The following NCAPD3 variants were observed in gnomAD, a reference collection of about 807,000 sequenced individuals.
The protein encoded by NCAPD3 is non-SMC condensin II complex subunit D3, also known as condensin-2 complex subunit D3.
NCAPD3 carries 105 observed loss-of-function variants against 182.9 expected under a neutral mutation model. That is an observed-to-expected ratio of 0.57 (90% CI 0.49 to 0.68). The LOEUF (loss-of-function observed/expected upper bound fraction) is 0.68. Among genes scored for constraint, NCAPD3 ranks in the 30% least tolerant of loss-of-function variants. The pLI, the probability that NCAPD3 is intolerant of heterozygous loss-of-function variation, is 0.00. For synonymous variants in NCAPD3, 815 were observed against 679.9 expected (o/e 1.20, Z -3.09); for missense variants, 1,944 against 1,837.0 (o/e 1.06, Z -1.07).
chr11:134,208,583 A>T (rs960531356), intron 7 of NCAPD3, among the ~76,000 whole-genome samples: 18 of 152,252 alleles, frequency 1.2e-4, no homozygotes, highest in Non-Finnish European at 2.9e-5. Flanking sequence ...TCAGCAGTTT[A>T]TCTGTTCCTC....
At chr11:134,155,691 G>C (rs1943399700) in intron 32 of NCAPD3, among the ~76,000 whole-genome samples, 1 of 152,168 alleles carries the variant, frequency 6.6e-6, no homozygotes, top group Admixed American at 6.5e-5. Flanking sequence ...CGTTTCTTCA[G>C]CATATGGCAC....
intron 24 of NCAPD3, among the ~76,000 whole-genome samples, chr11:134,169,438 A>G (rs1943953569): frequency 6.6e-6 from 1 of 152,228 alleles, no homozygotes; most frequent in Non-Finnish European, 1.5e-5. Flanking sequence ...CAGAAAAGGG[A>G]TATCTGGCCT....
chr11:134,171,460 C>T (rs1042571631), intron 24 of NCAPD3, among the ~76,000 whole-genome samples: 1 of 152,110 alleles, frequency 6.6e-6, no homozygotes, highest in Admixed American at 6.5e-5. Context: ...GAGCTGAATG[C>T]CATTCTGAAA....
intron 19 of NCAPD3, chr11:134,183,297 G>T: frequency 2.6e-6 from 1 of 380,606 alleles, no homozygotes; most frequent in South Asian, 2.0e-5. Flanking sequence ...TCTTTCCTCA[G>T]TCTTACCACG....
At chr11:134,189,305 T>A (rs1944476295) in intron 16 of NCAPD3, among the ~76,000 whole-genome samples, 1 of 152,220 alleles carries the variant, frequency 6.6e-6, no homozygotes, top group African/African-American at 2.4e-5. Flanking sequence ...TTTAAATTTC[T>A]AAATTTTAGC....
chr11:134,157,783 A>G lies in NCAPD3; in HGVS notation c.4174+145T>C, dbSNP rs1479465223. On this transcript the variant is annotated intron_variant, in intron 31 of 34. Transcript: ENST00000534548. ...TCCTAGAATAAATATGCATTGTTTT[A>G]CTACCCATGATCCTAAAAGCCCAAT... is the stretch of plus-strand genomic sequence containing the variant. The G allele has an allele frequency of 3.3e-6, 3 of 921,850 alleles. No homozygotes were observed. In the Admixed American group the frequency reaches 7.2e-5, roughly 22 times the overall value. 57.1% of individuals were successfully genotyped at this position (921,850 alleles called of 1,614,324 possible). A position where few individuals can be genotyped will look rare whatever the true frequency, so the allele number is the denominator to read the frequency against.
At chr11:134,168,790 G>T in intron 25 of NCAPD3, 127 bp downstream of exon 25, 2 of 1,406,106 alleles carry the variant, frequency 1.4e-6, no homozygotes, top group Non-Finnish European at 1.9e-6. Context: ...ACGCCATCCT[G>T]CCAAGCCACA....
At position 134,223,438 on chromosome 11, in the gene NCAPD3, C is replaced by A. The variant is rs1040033039; in HGVS notation, c.64+425G>T. The A allele has an allele frequency of 7.1e-6, 5 of 702,418 alleles. No individual in the cohort carries two copies. In the African/African-American group the frequency reaches 8.7e-5, roughly 12 times the overall value. The allele number at this position is 702,418 out of a possible 1,614,324, so 43.5% of individuals were successfully genotyped here. A position where few individuals can be genotyped will look rare whatever the true frequency, so the allele number is the denominator to read the frequency against. On this transcript the variant is annotated intron_variant, in intron 1 of 34. Coordinates refer to ENST00000534548, the MANE Select transcript of NCAPD3 (RefSeq NM_015261.3). ...AGGCTTTGGGAATCCCATTTTCACT[C>A]ATGTGACGTTTGATGATGTCTGCAT...
rs1943303264 is a variant in NCAPD3, at chr11:134,153,037, C to G, written c.4404G>C (p.Gln1468His). The change falls in exon 35 of 35, where the codon CAG (glutamine) becomes CAC (histidine). Residue 1468 changes from glutamine to histidine, a missense_variant. By Grantham distance (24) the Gln-to-His change is conservative. Around this residue, in one of 3 missense-constraint regions of NCAPD3, gnomAD observed 1,803 missense variants for 1,674.6 expected, o/e 1.08. Coordinates refer to ENST00000534548, the MANE Select transcript of NCAPD3 (RefSeq NM_015261.3). ...SLPDKPPPQP[Q>H]QWNVRSPARN... ...TGGCGGGAGACCGCACATTCCACTG[C>G]TGAGGCTGTGGGGGCCTAGGGAAAG... 2 of 1,602,212 alleles carry G rather than the reference C, an allele frequency of 1.2e-6. No homozygotes were observed. The highest frequency in any genetic ancestry group is 1.7e-6 in the Non-Finnish European group (2 of 1,172,066).
chr11:134,206,011 G>T (rs191974751), intron 8 of NCAPD3, among the ~76,000 whole-genome samples: 1 of 152,232 alleles, frequency 6.6e-6, no homozygotes, highest in Non-Finnish European at 1.5e-5. Flanking sequence ...AGGAGGGAAG[G>T]AAAAGCCAAC....
chr11:134,191,555 G>A lies in NCAPD3; in HGVS notation c.2045+1134C>T, dbSNP rs541867399. On this transcript the variant is annotated intron_variant, in intron 16 of 34. Coordinates refer to ENST00000534548, the MANE Select transcript of NCAPD3 (RefSeq NM_015261.3). ...TTAAAACCTCCCAACAGCTTCTCAG[G>A]AGCTGTAGAAGGCCTCTCCTGCTTT... Among the ~76,000 whole-genome samples, 48 of 152,274 alleles carry A rather than the reference G, an allele frequency of 3.2e-4. 1 individual carries two copies. The highest frequency in any genetic ancestry group is 8.3e-4 in the South Asian group (4 of 4,814).
intron 16 of NCAPD3, among the ~76,000 whole-genome samples, chr11:134,189,838 AATTCT>A (rs146742318): frequency 0.024 from 3,721 of 152,126 alleles, 155 homozygotes; most frequent in African/African-American, 0.085. Context: ...CTCTATTTTA[AATTCT>A]ATTCTATTTG....
In NCAPD3 at chr11:134,185,010, G is replaced by C; in HGVS notation, c.2238-10C>G. On this transcript the variant is annotated splice_polypyrimidine_tract_variant and intron_variant, in intron 17 of 34. Coordinates refer to ENST00000534548, the MANE Select transcript of NCAPD3 (RefSeq NM_015261.3). ...ATTGGGATTCTGCTGACTAGAGAAA[G>C]GGCAGGAGGAATATGAAGGGAGAAG... The C allele has an allele frequency of 6.3e-7, 1 of 1,589,194 alleles. No homozygotes were observed. Among genetic ancestry groups the C allele is most frequent in the East Asian group, 2.2e-5 (1 of 44,770 alleles).
intron 16 of NCAPD3, among the ~76,000 whole-genome samples, chr11:134,187,644 T>C (rs1944438234): frequency 6.6e-6 from 1 of 150,742 alleles, no homozygotes. Flanking sequence ...CCACTACTTC[T>C]GGGAAGCCAC....
chr11:134,172,885 G>T (rs1944046918), intron 24 of NCAPD3, among the ~76,000 whole-genome samples: 1 of 150,512 alleles, frequency 6.6e-6, no homozygotes, highest in Non-Finnish European at 1.5e-5. Flanking sequence ...CTAACTATTT[G>T]GGAGGATGAG....
chr11:134,215,493 C>T (rs975648887), intron 3 of NCAPD3, among the ~76,000 whole-genome samples: 1 of 152,152 alleles, frequency 6.6e-6, no homozygotes, highest in Non-Finnish European at 1.5e-5. Context: ...ATCAATTTTG[C>T]TTCTATACAG....
At chr11:134,156,346 C>T (rs999375125) in intron 32 of NCAPD3, among the ~76,000 whole-genome samples, 2 of 152,144 alleles carry the variant, frequency 1.3e-5, no homozygotes, top group Non-Finnish European at 2.9e-5. Flanking sequence ...AGGGACACGG[C>T]GGCAGGGCCT....
intron 27 of NCAPD3, among the ~76,000 whole-genome samples, chr11:134,164,909 C>T (rs887933028): frequency 1.3e-5 from 2 of 150,612 alleles, no homozygotes; most frequent in African/African-American, 2.4e-5. Flanking sequence ...GGGAGCTGCA[C>T]ACTCACTTGT....
Position 134,179,594 on chromosome 11 carries a change from T to C in NCAPD3, c.2560-658A>G, listed in dbSNP as rs1944250521. Among the ~76,000 whole-genome samples the C allele has an allele frequency of 2.0e-5, 3 of 152,244 alleles. No homozygotes were observed. The South Asian group carries it at 6.2e-4, about 31-fold the overall frequency. ...CTGTGTATCCTTAGATACTGCTCTC[T>C]TTCCTCAGAAGTAAAATCCAAGGTA... On this transcript the variant is annotated intron_variant, in intron 20 of 34. Coordinates refer to ENST00000534548, the MANE Select transcript of NCAPD3 (RefSeq NM_015261.3).
Sources: gnomAD v4.1 joint callset for allele counts (sites outside exome capture counted in the v4.1 genomes callset) on GRCh38, gnomAD v4.1.1 for gene constraint, gnomAD v4.1.1 regional missense constraint, MANE v1.5 for transcripts, NCBI Gene and HGNC (gene_info 2026-07-23, HGNC 2026-07-21) for gene names.